The following FOXP1 variants were observed in gnomAD, a reference collection of about 807,000 sequenced individuals.
FOXP1 encodes the protein forkhead box protein P1.
A neutral mutation model predicts 98.2 loss-of-function variants in FOXP1; 15 were observed. The observed-to-expected ratio is 0.15, with a 90% confidence interval of 0.10 to 0.24. FOXP1 has a LOEUF of 0.24. Among genes scored for constraint, FOXP1 ranks in the 10% least tolerant of loss-of-function variants. The pLI, the probability that FOXP1 is intolerant of heterozygous loss-of-function variation, is 1.00. For missense variants in FOXP1, 633 were observed against 848.5 expected (o/e 0.75, Z 3.15); for synonymous variants, 371 against 314.5 (o/e 1.18, Z -1.90).
chr3:71,211,072 G>A (rs1361684986), intron 5 of FOXP1, among the ~76,000 whole-genome samples: 1 of 152,174 alleles, frequency 6.6e-6, no homozygotes, highest in Non-Finnish European at 1.5e-5. Context: ...TATAATCATT[G>A]CTTGAATGGG....
At chr3:71,245,367 T>C (rs1205236864) in intron 5 of FOXP1, 2 of 152,096 alleles carry the variant, frequency 1.3e-5, no homozygotes, top group African/African-American at 4.8e-5. Flanking sequence ...TTTTGTTTCC[T>C]AGTTCAAACA....
chr3:71,162,632 G>A (rs1051835172), intron 6 of FOXP1, among the ~76,000 whole-genome samples: 1 of 152,218 alleles, frequency 6.6e-6, no homozygotes, highest in African/African-American at 2.4e-5. Flanking sequence ...AAGTCAAACT[G>A]ATAGAGACAG....
At chr3:71,411,434 C>T (rs1406529059) in intron 3 of FOXP1, among the ~76,000 whole-genome samples, 1 of 152,132 alleles carries the variant, frequency 6.6e-6, no homozygotes, top group Non-Finnish European at 1.5e-5. Flanking sequence ...CCTGCCTCAA[C>T]CTTCCAAGTA....
chr3:71,303,183 G>A (rs2073994399), intron 4 of FOXP1, among the ~76,000 whole-genome samples: 1 of 151,884 alleles, frequency 6.6e-6, no homozygotes, highest in Non-Finnish European at 1.5e-5. Flanking sequence ...TAAATTATCT[G>A]CATTAAGATT....
chr3:71,075,173 G>T (rs1392348357), intron 7 of FOXP1, among the ~76,000 whole-genome samples: 1 of 152,164 alleles, frequency 6.6e-6, no homozygotes, highest in Non-Finnish European at 1.5e-5. Flanking sequence ...GATCCTGGTG[G>T]TACTATTCTC....
At position 71,272,459 on chromosome 3, in the gene FOXP1, G is replaced by A. The variant is rs563613133; in HGVS notation, c.-12+27361C>T. ...GTCTTGCAATATACTAGGGGTGGGG[G>A]ATTTCAGGAGGACAAGTAACAGAAG... On this transcript the variant is annotated intron_variant, in intron 5 of 20. Transcript: ENST00000649528. Among the ~76,000 whole-genome samples the A allele has an allele frequency of 5.0e-4, 76 of 152,150 alleles. No homozygotes were observed. In the East Asian group the frequency reaches 8.7e-3, roughly 18 times the overall value.
chr3:71,557,977 T>C (rs1250222925), intron 2 of FOXP1, among the ~76,000 whole-genome samples: 1 of 152,044 alleles, frequency 6.6e-6, no homozygotes, highest in African/African-American at 2.4e-5. Flanking sequence ...CCACCACATC[T>C]GGCTGATTTT....
At chr3:71,445,687 A>G (rs988886306) in intron 3 of FOXP1, among the ~76,000 whole-genome samples, 3 of 136,000 alleles carry the variant, frequency 2.2e-5, no homozygotes, top group Non-Finnish European at 3.2e-5. Flanking sequence ...AGATATTTAT[A>G]CCTTTTTTTT....
At chr3:71,452,387 G>C (rs921817748) in intron 3 of FOXP1, among the ~76,000 whole-genome samples, 4 of 152,132 alleles carry the variant, frequency 2.6e-5, no homozygotes, top group African/African-American at 9.7e-5. Flanking sequence ...TAACAACCTA[G>C]AAAACCAGGT....
At chr3:71,581,277 AC>A in intron 2 of FOXP1, 1 of 985,344 alleles carries the variant, frequency 1.0e-6, no homozygotes, top group Non-Finnish European at 1.2e-6. Flanking sequence ...CGAGGATGTC[AC>A]CATATTTTAT....
At chr3:71,032,132 C>G (rs1016966390) in intron 11 of FOXP1, among the ~76,000 whole-genome samples, 1 of 152,228 alleles carries the variant, frequency 6.6e-6, no homozygotes, top group Admixed American at 6.5e-5. Flanking sequence ...ACCGCAGTAC[C>G]CGCCCGGCGC....
At chr3:71,010,157 C>T (rs1437545782) in intron 12 of FOXP1, among the ~76,000 whole-genome samples, 1 of 152,022 alleles carries the variant, frequency 6.6e-6, no homozygotes, top group East Asian at 1.9e-4. Context: ...GTTCAAAGAA[C>T]ATATTAATAA....
chr3:70,958,261 CCA>C lies in FOXP1; in HGVS notation c.*984_*985del, dbSNP rs1491079930. 3.7e-6 allele frequency: 2 copies of C among 535,400 alleles called. No homozygotes were observed. Among genetic ancestry groups the C allele is most frequent in the Non-Finnish European group, 7.2e-6 (2 of 276,068 alleles). 33.2% of individuals were successfully genotyped at this position (535,400 alleles called of 1,614,324 possible). The stretch of plus-strand genomic sequence containing the variant: ...GAAACACCCCTCCCCCGAACCACCC[CCA>C]ATACTGCTGCGTGGAATGAATCGGC... On this transcript the variant is annotated 3_prime_UTR_variant, in exon 21 of 21. Transcript: ENST00000649528.
At chr3:71,237,713 C>T (rs1278332341) in intron 5 of FOXP1, among the ~76,000 whole-genome samples, 1 of 152,196 alleles carries the variant, frequency 6.6e-6, no homozygotes, top group Non-Finnish European at 1.5e-5. Flanking sequence ...AAAGTGCAAG[C>T]AATGAATCCA....
chr3:70,993,107 T>C (rs1428869263), intron 13 of FOXP1, among the ~76,000 whole-genome samples: 2 of 152,228 alleles, frequency 1.3e-5, no homozygotes, highest in Non-Finnish European at 2.9e-5. Flanking sequence ...AATGGTACAG[T>C]AATCACATGT....
intron 2 of FOXP1, chr3:71,572,517 T>TA (rs2047413812): frequency 6.6e-6 from 1 of 152,174 alleles, no homozygotes; most frequent in Admixed American, 6.5e-5. Context: ...TGTTTATTTT[T>TA]TAAAAAAGCA....
intron 3 of FOXP1, among the ~76,000 whole-genome samples, chr3:71,428,576 GT>G (rs1168908938): frequency 6.6e-6 from 1 of 152,204 alleles, no homozygotes; most frequent in Non-Finnish European, 1.5e-5. Flanking sequence ...CTGCCTTCTG[GT>G]TTTTAATGTC....
chr3:71,310,454 A>T (rs922242668), intron 4 of FOXP1, among the ~76,000 whole-genome samples: 3 of 152,248 alleles, frequency 2.0e-5, no homozygotes, highest in Non-Finnish European at 4.4e-5. Flanking sequence ...ATTTCTTCAC[A>T]GGCAAACTCT....
intron 4 of FOXP1, among the ~76,000 whole-genome samples, chr3:71,342,752 T>C (rs1335291429): frequency 1.3e-5 from 2 of 152,044 alleles, no homozygotes; most frequent in African/African-American, 2.4e-5. Flanking sequence ...TTTTTAAATT[T>C]TGAAATAATT....
Sources: allele counts gnomAD v4.1 joint callset (sites outside exome capture counted in the v4.1 genomes callset), GRCh38; gene constraint gnomAD v4.1.1; transcripts MANE v1.5; gene names NCBI Gene and HGNC (gene_info 2026-07-23, HGNC 2026-07-21).